The following SMOC2 variants were observed in gnomAD, a reference collection of about 807,000 sequenced individuals.
SMOC2 encodes the protein SPARC related modular calcium binding 2.
In SMOC2, 39 loss-of-function variants were observed where a neutral mutation model predicts 61.4. The ratio of observed to expected loss-of-function variants is 0.64; its 90% CI spans 0.49 to 0.83. SMOC2 has a LOEUF of 0.83. Among genes scored for constraint, SMOC2 ranks in the 40% least tolerant of loss-of-function variants. The pLI is 0.00. For synonymous variants in SMOC2, 247 were observed against 239.9 expected, an observed-to-expected ratio of 1.03 and a Z score of -0.27; for missense variants, 556 against 592.9, an observed-to-expected ratio of 0.94 and a Z score of 0.65.
chr6:168,477,793 A>G (rs539946583), intron 1 of SMOC2, among the ~76,000 whole-genome samples: 1 of 152,292 alleles, frequency 6.6e-6, no homozygotes, highest in South Asian at 2.1e-4. Context: ...CTTGACTTTT[A>G]GGGATCTACT....
chr6:168,446,562 CAT>C (rs756636868), intron 1 of SMOC2, among the ~76,000 whole-genome samples: 23 of 152,280 alleles, frequency 1.5e-4, no homozygotes, highest in Non-Finnish European at 7.3e-5. Context: ...GTGTCTGTAA[CAT>C]ATGTACAACA....
intron 2 of SMOC2, among the ~76,000 whole-genome samples, chr6:168,522,107 C>T (rs2609294): frequency 0.57 from 86,902 of 152,054 alleles, 28,013 homozygotes; most frequent in Non-Finnish European, 0.72. Context: ...ATGTTTTTCT[C>T]TGAGGTAGAC....
intron 11 of SMOC2, among the ~76,000 whole-genome samples, chr6:168,659,109 A>G (rs1286775229): frequency 1.3e-5 from 2 of 151,806 alleles, no homozygotes; most frequent in Non-Finnish European, 2.9e-5. Flanking sequence ...GTGTGTAAAC[A>G]CTAATACTGG....
intron 7 of SMOC2, among the ~76,000 whole-genome samples, chr6:168,550,331 T>C (rs1264085249): frequency 6.6e-6 from 1 of 152,182 alleles, no homozygotes; most frequent in African/African-American, 2.4e-5. Context: ...TATATTCTTC[T>C]GCTTACAAAA....
At chr6:168,520,414 C>T (rs1407234237) in intron 2 of SMOC2, among the ~76,000 whole-genome samples, 1 of 152,226 alleles carries the variant, frequency 6.6e-6, no homozygotes, top group Middle Eastern at 3.2e-3. Flanking sequence ...CTGCCATTTG[C>T]TCGTTCAGCC....
chr6:168,588,942 TG>T (rs138577908), intron 7 of SMOC2, among the ~76,000 whole-genome samples: 3,648 of 149,378 alleles, frequency 0.024, 135 homozygotes, highest in African/African-American at 0.084. Context: ...TAATTGGGCG[TG>T]GTGGTGTGTC....
At chr6:168,504,336 C>T (rs556814073) in intron 1 of SMOC2, among the ~76,000 whole-genome samples, 8 of 150,410 alleles carry the variant, frequency 5.3e-5, no homozygotes, top group African/African-American at 1.5e-4. Flanking sequence ...ATGTGCAACT[C>T]GCCATAGTGT....
intron 1 of SMOC2, among the ~76,000 whole-genome samples, chr6:168,456,010 C>T (rs1235679169): frequency 6.6e-6 from 1 of 152,226 alleles, no homozygotes; most frequent in East Asian, 1.9e-4. Context: ...GAGATGCCCC[C>T]AGCCCAGCCT....
chr6:168,645,075 AG>A (rs776871332), intron 9 of SMOC2, among the ~76,000 whole-genome samples: 28 of 152,384 alleles, frequency 1.8e-4, no homozygotes, highest in Non-Finnish European at 3.5e-4. Flanking sequence ...CATTCATCAT[AG>A]AGTTAGTAAA....
chr6:168,556,560 G>A (rs924291324), intron 7 of SMOC2, among the ~76,000 whole-genome samples: 1 of 151,848 alleles, frequency 6.6e-6, no homozygotes, highest in African/African-American at 2.4e-5. Flanking sequence ...CAAAAGCCCA[G>A]GGCTGTTTGA....
chr6:168,541,588 G>A (rs546542153), intron 4 of SMOC2, among the ~76,000 whole-genome samples: 2 of 152,176 alleles, frequency 1.3e-5, no homozygotes, highest in African/African-American at 4.8e-5. Flanking sequence ...GATCTTACAG[G>A]AAGGCAGGGG....
intron 1 of SMOC2, among the ~76,000 whole-genome samples, chr6:168,494,722 C>G (rs559158473): frequency 6.6e-6 from 1 of 152,318 alleles, no homozygotes; most frequent in Admixed American, 6.5e-5. Flanking sequence ...GCGATTCTTT[C>G]CCAAAGGGCT....
At chr6:168,443,288 G>T (rs534605486) in intron 1 of SMOC2, among the ~76,000 whole-genome samples, 2 of 152,104 alleles carry the variant, frequency 1.3e-5, no homozygotes, top group African/African-American at 2.4e-5. Flanking sequence ...TTTAAGACTC[G>T]GCAGGTTTTC....
In SMOC2 at chr6:168,527,608, C is replaced by T. The variant is rs887612394; in HGVS notation, c.364-20C>T. The T allele has an allele frequency of 1.2e-5, 18 of 1,538,382 alleles. No homozygotes were observed. The Admixed American group carries it at 1.2e-4, about 10-fold the overall frequency. On this transcript the variant is annotated intron_variant, in intron 3 of 12. Coordinates refer to ENST00000356284, the MANE Select transcript of SMOC2 (RefSeq NM_001166412.2). ...CGCCACGGGCCCGGGAGGGCTTACC[C>T]GTCCTGTGCTCTCTCGCAGGTCCAG...
chr6:168,505,289 G>A (rs1782845927), intron 1 of SMOC2, among the ~76,000 whole-genome samples: 2 of 151,516 alleles, frequency 1.3e-5, no homozygotes, highest in Non-Finnish European at 2.9e-5. Context: ...ATGAATGACT[G>A]AATGAAATGT....
At chr6:168,610,453 G>T (rs1484401885) in intron 9 of SMOC2, among the ~76,000 whole-genome samples, 2 of 152,230 alleles carry the variant, frequency 1.3e-5, no homozygotes, top group Non-Finnish European at 2.9e-5. Flanking sequence ...GATAGAGGCT[G>T]TTCCTGGTAG....
intron 9 of SMOC2, among the ~76,000 whole-genome samples, chr6:168,628,620 C>G (rs1786481547): frequency 6.6e-6 from 1 of 152,162 alleles, no homozygotes; most frequent in African/African-American, 2.4e-5. Flanking sequence ...TTTATTTGAC[C>G]AATTCCTTCT....
At chr6:168,660,204 A>C (rs1787473861) in intron 11 of SMOC2, among the ~76,000 whole-genome samples, 1 of 152,110 alleles carries the variant, frequency 6.6e-6, no homozygotes, top group Admixed American at 6.5e-5. Flanking sequence ...TGGCCCATGG[A>C]TTGGGTTCTG....
intron 2 of SMOC2, among the ~76,000 whole-genome samples, chr6:168,525,817 C>T (rs1031028923): frequency 6.6e-6 from 1 of 152,202 alleles, no homozygotes; most frequent in African/African-American, 2.4e-5. Flanking sequence ...CCCTGGGCTG[C>T]AGCTGTGGTT....
Sources: gnomAD v4.1 joint callset for allele counts (sites outside exome capture counted in the v4.1 genomes callset) on GRCh38, gnomAD v4.1.1 for gene constraint, MANE v1.5 for transcripts, NCBI Gene and HGNC (gene_info 2026-07-23, HGNC 2026-07-21) for gene names.